The following TMEM208 variants were observed in gnomAD, a reference collection of about 807,000 sequenced individuals.
The protein encoded by TMEM208 is transmembrane protein 208, also known as SRP-independent targeting 2 homolog.
TMEM208 carries 19 observed loss-of-function variants against 26.4 expected under a neutral mutation model. The observed-to-expected ratio is 0.72, with a 90% CI of 0.50 to 1.06. The LOEUF is 1.06. Among genes scored for constraint, TMEM208 ranks in the 50% least tolerant of loss-of-function variants. The pLI is 0.00. For synonymous variants in TMEM208, 93 were observed against 83.1 expected (o/e 1.12, Z -0.65); for missense variants, 183 against 219.8 (o/e 0.83, Z 1.06).
At chr16:67,228,239 C>G (rs1483851397) in intron 2 of TMEM208, 116 bp from the exon 3 acceptor site, 16 of 1,204,786 alleles carry the variant, frequency 1.3e-5, no homozygotes, top group Non-Finnish European at 1.8e-5. Flanking sequence ...TTCTTCAACC[C>G]TGTAAGAACA....
chr16:67,228,174 G>A (rs963987043), intron 2 of TMEM208, 181 bp from the exon 3 acceptor site: 7 of 714,760 alleles, frequency 9.8e-6, no homozygotes, highest in Non-Finnish European at 1.6e-5. Flanking sequence ...TCTTTCCTGG[G>A]CTGAGTTGGG....
chr16:67,228,403 T>C lies in TMEM208; in HGVS notation c.151T>C (p.Phe51Leu). 1 of 1,613,984 alleles carries C rather than the reference T, an allele frequency of 6.2e-7. No homozygotes were observed. ...TLVFFYSSAS[F>L]WAWLALGFSL... is the part of the protein sequence containing the mutation. The stretch of plus-strand genomic sequence containing the variant: ...GGTCTTCTTTTACTCATCTGCCTCA[T>C]TTTGGGCCTGGGTAAGTATCTCCAT... The change falls in exon 3 of 6, where the codon TTT becomes CTT. Residue 51 changes from phenylalanine (F) to leucine (L), a missense_variant. Physicochemically the swap from Phe to Leu is conservative, Grantham distance 22 (BLOSUM62 0). Coordinates refer to ENST00000304800, the MANE Select transcript of TMEM208 (RefSeq NM_014187.4).
At chr16:67,228,448 C>T (rs1025486486) in intron 3 of TMEM208, 34 bp downstream of exon 3, 14 of 1,613,824 alleles carry the variant, frequency 8.7e-6, no homozygotes, top group South Asian at 3.3e-5. Flanking sequence ...TGGATGAGTG[C>T]GTAGGGTCAG....
Position 67,229,177 on chromosome 16 carries a change from A to G in TMEM208, c.*64A>G. The G allele has an allele frequency of 4.0e-6, 6 of 1,504,542 alleles. No individual in the cohort carries two copies. The highest frequency in any genetic ancestry group is 3.9e-5 in the South Asian group (3 of 76,528). The allele number at this position is 1,504,542 out of a possible 1,614,324, so 93.2% of individuals were successfully genotyped here. On this transcript the variant is annotated 3_prime_UTR_variant, in exon 6 of 6. Coordinates refer to ENST00000304800, the MANE Select transcript of TMEM208 (RefSeq NM_014187.4). ...GCTCTGTCAGGGTGCACAGCCCCTC[A>G]TGCCTGGAGCAATGAGGGTCTAGTC... is the stretch of plus-strand genomic sequence containing the variant.
chr16:67,228,664 G>A (rs1329521658), intron 4 of TMEM208, 33 bp downstream of exon 4: 15 of 1,540,910 alleles, frequency 9.7e-6, no homozygotes, highest in South Asian at 2.5e-5. Context: ...CCAGGTGAGC[G>A]GCCCCAGGGC....
chr16:67,227,311 T>C, intron 1 of TMEM208, 87 bp downstream of exon 1: 2 of 1,545,562 alleles, frequency 1.3e-6, no homozygotes, highest in South Asian at 2.4e-5. Flanking sequence ...CATTAAGGGA[T>C]ATGGGGTGGG....
In TMEM208 at chr16:67,227,167, G is replaced by C; in HGVS notation, c.-52G>C. 3 of 1,607,898 alleles carry C rather than the reference G, an allele frequency of 1.9e-6. No homozygotes were observed. Among genetic ancestry groups the C allele is most frequent in the Non-Finnish European group, 2.6e-6 (3 of 1,175,876 alleles). On this transcript the variant is annotated 5_prime_UTR_variant, in exon 1 of 6. Coordinates refer to ENST00000304800, the MANE Select transcript of TMEM208 (RefSeq NM_014187.4). ...GCTGCCGATGTGGTGCTTAGTGATT[G>C]CGGTTTCGGTCGCTCTCCCGTGTTT...
rs747149978 is a variant in TMEM208, at chr16:67,229,049, C to T, written c.458C>T (p.Pro153Leu). The T allele has an allele frequency of 9.9e-6, 16 of 1,613,430 alleles. No homozygotes were observed. Among genetic ancestry groups the T allele is most frequent in the Non-Finnish European group, 1.4e-5 (16 of 1,179,510 alleles). Residue 153 changes from proline (P) to leucine (L), a missense_variant, in exon 6 of 6, where the codon CCA becomes CTA. Transcript: ENST00000304800. ...GPWFTADSGT[P>L]APEHNEKRQR... ...TGGTTCACTGCAGACAGTGGCACCC[C>T]AGCACCAGAGCACAATGAGAAACGG... is the stretch of plus-strand genomic sequence containing the variant.
Position 67,229,159 on chromosome 16 carries a change from CAG to C in TMEM208, c.*47_*48del. On this transcript the variant is annotated 3_prime_UTR_variant, in exon 6 of 6. Coordinates refer to ENST00000304800, the MANE Select transcript of TMEM208 (RefSeq NM_014187.4). Reference sequence around the variant, plus strand: ...GGCCACTGGCCCTGGGTGGCTCTGTCAGGGTGCACAGCCCCTCATGCCTGGAG... The same window carrying C: ...GGCCACTGGCCCTGGGTGGCTCTGTCGGTGCACAGCCCCTCATGCCTGGAG... The C allele has an allele frequency of 1.3e-6, 2 of 1,539,812 alleles. No individual in the cohort carries two copies. Among genetic ancestry groups the C allele is most frequent in the East Asian group, 2.3e-5 (1 of 44,174 alleles).
chr16:67,228,668 C>T, intron 4 of TMEM208, 37 bp downstream of exon 4: 5 of 1,543,346 alleles, frequency 3.2e-6, no homozygotes, highest in Non-Finnish European at 3.5e-6. Flanking sequence ...GTGAGCGGCC[C>T]CAGGGCTGGG....
rs924733295 is a variant in TMEM208 at position 67,228,250 on chromosome 16, A to G, written c.103-105A>G. On this transcript the variant is annotated intron_variant, in intron 2 of 5. Coordinates refer to ENST00000304800, the MANE Select transcript of TMEM208 (RefSeq NM_014187.4). ...CCCTTTCTTCAACCCTGTAAGAACA[A>G]CCTTGCTCCTCCCACAGCCTGGCCT... The G allele has an allele frequency of 3.0e-5, 39 of 1,312,532 alleles. No homozygotes were observed. In the African/African-American group the frequency reaches 5.2e-4, roughly 18 times the overall value. 81.3% of individuals were successfully genotyped at this position (1,312,532 alleles called of 1,614,324 possible).
In TMEM208 at chr16:67,228,898, C is replaced by T. The variant is rs376342911; in HGVS notation, c.384+17C>T. On this transcript the variant is annotated intron_variant, in intron 5 of 5. Transcript: ENST00000304800. ...TGGCTTCTGGTATGTGGGCTGGGGG[C>T]GCTCCCAAGAAGGGGCATCTAACCC... 72 of 1,613,164 alleles carry T rather than the reference C, an allele frequency of 4.5e-5. No homozygotes were observed. The highest frequency in any genetic ancestry group is 5.3e-5 in the Non-Finnish European group (63 of 1,179,670).
rs1228259551 is a variant in TMEM208 at position 67,227,216 on chromosome 16, A to T, written c.-3A>T. 3.7e-6 allele frequency: 6 copies of T among 1,612,176 alleles called. No homozygotes were observed. Among genetic ancestry groups the T allele is most frequent in the Non-Finnish European group, 3.4e-6 (4 of 1,178,882 alleles). On this transcript the variant is annotated 5_prime_UTR_variant, in exon 1 of 6. Transcript: ENST00000304800. ...TTCCCGGGCTGGGTATTTGCCTCGC[A>T]CCATGGCGGTAAGGAGGATGGATAG...
chr16:67,227,547 C>T, intron 1 of TMEM208: 1 of 554,568 alleles, frequency 1.8e-6, no homozygotes, highest in South Asian at 2.4e-5. Context: ...TTGGAAGAGT[C>T]GTTAGCCTAA....
rs1371273832 is a variant in TMEM208 at position 67,229,121 on chromosome 16, CATT to C, written c.*9_*11del. ...CAGATGAAGCGGTTATAGCCATTGA[CATT>C]GTGGCCACAGGCCACTGGCCCTGGG... On this transcript the variant is annotated 3_prime_UTR_variant, in exon 6 of 6. Transcript: ENST00000304800. The C allele has an allele frequency of 1.9e-6, 3 of 1,585,912 alleles. No homozygotes were observed. In the African/African-American group the frequency reaches 4.1e-5, roughly 22 times the overall value.
At chr16:67,227,970 T>G in intron 2 of TMEM208, 39 bp downstream of exon 2, 1 of 1,521,310 alleles carries the variant, frequency 6.6e-7, no homozygotes, top group Non-Finnish European at 9.0e-7. Context: ...CCACTTATAG[T>G]CAGTTCCCTA....
At position 67,227,230 on chromosome 16, in the gene TMEM208, G is replaced by A. The variant is rs1220639245; in HGVS notation, c.6+6G>A. 1 of 1,612,002 alleles carries A rather than the reference G, an allele frequency of 6.2e-7. No individual in the cohort carries two copies. Among genetic ancestry groups the A allele is most frequent in the Non-Finnish European group, 8.5e-7 (1 of 1,178,750 alleles). On this transcript the variant is annotated splice_donor_region_variant and intron_variant, in intron 1 of 5. Coordinates refer to ENST00000304800, the MANE Select transcript of TMEM208 (RefSeq NM_014187.4). ...ATTTGCCTCGCACCATGGCGGTAAGGAGGATGGATAGGGCGGGGTCCGCAC... is the reference window on the plus strand; with the variant it reads ...ATTTGCCTCGCACCATGGCGGTAAGAAGGATGGATAGGGCGGGGTCCGCAC...
rs2034083706 is a variant in TMEM208 at position 67,227,871 on chromosome 16, G to A, written c.42G>A (p.Gln14=). The A allele has an allele frequency of 1.2e-6, 2 of 1,611,668 alleles. No individual in the cohort carries two copies. Among genetic ancestry groups the A allele is most frequent in the South Asian group, 2.2e-5 (2 of 90,398 alleles). ...AAGTGGGCACGAGAGGGAAGAAGCA[G>A]ATATTTGAAGAGAACAGAGAGACTC... ...KGKVGTRGKK[Q]IFEENRETLK... The change falls in exon 2 of 6, where the codon CAG becomes CAA. Residue 14 remains glutamine (Q), a synonymous_variant. Coordinates refer to ENST00000304800, the MANE Select transcript of TMEM208 (RefSeq NM_014187.4).
chr16:67,227,799 C>T (rs1289780905), intron 1 of TMEM208, 37 bp from the exon 2 acceptor site: 2 of 1,502,526 alleles, frequency 1.3e-6, no homozygotes, highest in South Asian at 2.4e-5. Flanking sequence ...TGAGGAGGAC[C>T]GTGGCCTCCT....
Sources: gnomAD v4.1 joint callset for allele counts on GRCh38, gnomAD v4.1.1 for gene constraint, MANE v1.5 for transcripts, NCBI Gene and HGNC (gene_info 2026-07-23, HGNC 2026-07-21) for gene names.